The following BZW1 variants were observed in gnomAD, a reference collection of about 807,000 sequenced individuals.
The protein encoded by BZW1 is eIF5-mimic protein 2.
BZW1 carries 3 observed loss-of-function variants against 54.1 expected under a neutral mutation model. That is an observed-to-expected ratio of 0.06 (90% confidence interval 0.03 to 0.14). The LOEUF (loss-of-function observed/expected upper bound fraction) is 0.14. Ranked by LOEUF, BZW1 falls within the 10% of genes least tolerant of loss-of-function variation. The probability of loss-of-function intolerance (pLI) is 1.00; values close to 1 mark genes in which losing one functional copy is unlikely to be tolerated. For synonymous variants in BZW1, 152 were observed against 162.7 expected (o/e 0.93, Z 0.50); for missense variants, 206 against 491.7 (o/e 0.42, Z 5.50).
At chr2:200,818,684 C>A in intron 8 of BZW1, 71 bp from the exon 9 acceptor site, 1 of 1,499,524 alleles carries the variant, frequency 6.7e-7, no homozygotes, top group South Asian at 1.3e-5. Flanking sequence ...TGTTAAAGGT[C>A]TAAACTTGAT....
chr2:200,812,622 C>T (rs952315368), intron 1 of BZW1: 5 of 1,319,184 alleles, frequency 3.8e-6, no homozygotes, highest in Non-Finnish European at 5.1e-6. Context: ...GACACGTTAC[C>T]GGGGAGGAGG....
chr2:200,819,818 G>A (rs1215185151), intron 9 of BZW1, among the ~76,000 whole-genome samples, 164 bp from the exon 10 acceptor site: 1 of 152,170 alleles, frequency 6.6e-6, no homozygotes. Flanking sequence ...TTACAGACGT[G>A]AGCCACTGTG....
In BZW1 at chr2:200,820,047, G is replaced by A; in HGVS notation, c.1032G>A (p.Lys344=). ...QGQSELTLLL[K]IQEYCYDNIH... is the part of the protein sequence containing the mutation. ...AGTCTGAGCTGACTCTGTTACTGAA[G>A]ATTCAGGAGTATTGCTATGACAACA... The change falls in exon 10 of 12, where the codon AAG becomes AAA. Residue 344 remains lysine (K), a synonymous_variant. Coordinates refer to ENST00000409600, the MANE Select transcript of BZW1 (RefSeq NM_001207067.2). 1 of 1,551,434 alleles carries A rather than the reference G, an allele frequency of 6.4e-7. No homozygotes were observed. The highest frequency in any genetic ancestry group is 8.7e-7 in the Non-Finnish European group (1 of 1,146,808).
At position 200,821,320 on chromosome 2, in the gene BZW1, T is replaced by G; in HGVS notation, c.1228+15T>G. 1 of 1,612,538 alleles carries G rather than the reference T, an allele frequency of 6.2e-7. No individual in the cohort carries two copies. Among genetic ancestry groups the G allele is most frequent in the Non-Finnish European group, 8.5e-7 (1 of 1,179,500 alleles). On this transcript the variant is annotated intron_variant, in intron 11 of 11. Coordinates refer to ENST00000409600, the MANE Select transcript of BZW1 (RefSeq NM_001207067.2). ...TGCTGAAGAAGGTAAGGATTTTCCT[T>G]TGTGTGGTTTGTTTGGTAAAGCTAA...
chr2:200,812,263 C>A (rs912125282), intron 1 of BZW1: 42 of 1,232,032 alleles, frequency 3.4e-5, no homozygotes, highest in Admixed American at 4.2e-5. Context: ...CCCTCTGGGC[C>A]GTGCCCGGCC....
At position 200,820,038 on chromosome 2, in the gene BZW1, G is replaced by C. The variant is rs1440133874; in HGVS notation, c.1023G>C (p.Leu341=). Residue 341 remains leucine (L), a synonymous_variant, in exon 10 of 12, where the codon CTG becomes CTC. Transcript: ENST00000409600. ...FTTQGQSELT[L]LLKIQEYCYD... is the part of the protein sequence containing the mutation. ...CTCAAGGTCAGTCTGAGCTGACTCT[G>C]TTACTGAAGATTCAGGAGTATTGCT... The C allele has an allele frequency of 2.6e-6, 4 of 1,550,258 alleles. No homozygotes were observed. The highest frequency in any genetic ancestry group is 3.5e-6 in the Non-Finnish European group (4 of 1,146,364).
rs2038710863 is a variant in BZW1 at position 200,826,628 on chromosome 2, CCTT to C, written c.*4451_*4453del. 4.3e-5 allele frequency: 2 copies of C among 46,944 alleles called. No individual in the cohort carries two copies. The highest frequency in any genetic ancestry group is 1.4e-4 in the Non-Finnish European group (2 of 14,730). The allele number at this position is 46,944 out of a possible 1,614,324, so 2.9% of individuals were successfully genotyped here. ...TACTCAATCACTGTCATTTTAGTAA[CCTT>C]GAATCAGAACCTCAGTTGTTAAAGG... On this transcript the variant is annotated 3_prime_UTR_variant, in exon 12 of 12. Transcript: ENST00000409600.
chr2:200,819,401 A>AT (rs1474921945), intron 9 of BZW1, among the ~76,000 whole-genome samples: 1 of 152,098 alleles, frequency 6.6e-6, no homozygotes, highest in Admixed American at 6.5e-5. Flanking sequence ...AAAAAAGAAC[A>AT]TGATGAAAAG....
intron 6 of BZW1, among the ~76,000 whole-genome samples, chr2:200,817,574 G>A (rs1438212998): frequency 6.6e-6 from 1 of 152,124 alleles, no homozygotes; most frequent in African/African-American, 2.4e-5. Context: ...TGTCAAGCTG[G>A]AAGGGAAAAT....
rs565417904 is a variant in BZW1, at chr2:200,823,248, C to G, written c.*1070C>G. 1 of 165,626 alleles carries G rather than the reference C, an allele frequency of 6.0e-6. No individual in the cohort carries two copies. The highest frequency in any genetic ancestry group is 1.5e-5 in the Non-Finnish European group (1 of 68,116). The allele number at this position is 165,626 out of a possible 1,614,324, so 10.3% of individuals were successfully genotyped here. The stretch of plus-strand genomic sequence containing the variant: ...CTACTCGGTCATACTGGACTGGCTT[C>G]GTTCTCTTAATATACTCAGTAATGA... On this transcript the variant is annotated 3_prime_UTR_variant, in exon 12 of 12. Coordinates refer to ENST00000409600, the MANE Select transcript of BZW1 (RefSeq NM_001207067.2).
rs1268861866 is a variant in BZW1, at chr2:200,824,511, ATTC to A, written c.*2336_*2338del. 6.6e-6 allele frequency: 1 copy of A among 150,864 alleles called. No individual in the cohort carries two copies. Among genetic ancestry groups the A allele is most frequent in the Non-Finnish European group, 1.5e-5 (1 of 67,784 alleles). The allele number at this position is 150,864 out of a possible 1,614,324, so 9.3% of individuals were successfully genotyped here. Reference sequence around the variant, plus strand: ...CATTCTATATATAGATGTTTATTCCATTCTTATTTAAAAAAAAAAACCTCCATA... The same window carrying A: ...CATTCTATATATAGATGTTTATTCCATTATTTAAAAAAAAAAACCTCCATA... On this transcript the variant is annotated 3_prime_UTR_variant, in exon 12 of 12. Transcript: ENST00000409600.
intron 10 of BZW1, among the ~76,000 whole-genome samples, chr2:200,820,912 T>C (rs183657043): frequency 4.3e-4 from 65 of 152,320 alleles, no homozygotes; most frequent in South Asian, 6.2e-4. Context: ...AGAAACCTGG[T>C]CTAAAGTGGC....
Position 200,816,395 on chromosome 2 carries a change from G to T in BZW1, c.402+5G>T. 1 of 1,566,330 alleles carries T rather than the reference G, an allele frequency of 6.4e-7. No homozygotes were observed. Among genetic ancestry groups the T allele is most frequent in the South Asian group, 1.2e-5 (1 of 85,882 alleles). On this transcript the variant is annotated splice_donor_5th_base_variant and intron_variant, in intron 5 of 11. Coordinates refer to ENST00000409600, the MANE Select transcript of BZW1 (RefSeq NM_001207067.2). ...TTTGAAGATGAAGTAAAAAAGGTAT[G>T]AGTAATAATGTACTTTGTGGAAAAG...
chr2:200,819,989 G>A lies in BZW1; in HGVS notation c.974G>A (p.Ser325Asn), dbSNP rs764713691. Residue 325 changes from serine to asparagine, a missense_variant, in exon 10 of 12, where the codon AGC becomes AAC. Physicochemically the swap from Ser to Asn is conservative, Grantham distance 46 (BLOSUM62 1). Around this residue, in one of 5 missense-constraint regions of BZW1, gnomAD observed 60 missense variants for 151.8 expected, o/e 0.40. Transcript: ENST00000409600. ...EQAIKHLKQYSPLLAAFTTQG... is the reference protein window; with the variant it reads ...EQAIKHLKQYNPLLAAFTTQG... ...TCTCTGTTCCTTTAAAAGCAATACAGCCCTCTACTTGCTGCCTTTACTACT... is the reference window on the plus strand; with the variant it reads ...TCTCTGTTCCTTTAAAAGCAATACAACCCTCTACTTGCTGCCTTTACTACT... The A allele has an allele frequency of 2.5e-5, 38 of 1,514,638 alleles. No homozygotes were observed. The highest frequency in any genetic ancestry group is 2.6e-5 in the Non-Finnish European group (29 of 1,131,986). 93.8% of individuals were successfully genotyped at this position (1,514,638 alleles called of 1,614,324 possible).
At chr2:200,819,494 A>G (rs909310633) in intron 9 of BZW1, among the ~76,000 whole-genome samples, 1 of 151,896 alleles carries the variant, frequency 6.6e-6, no homozygotes, top group African/African-American at 2.4e-5. Context: ...AAATACTAAT[A>G]TTGTTTGACA....
intron 6 of BZW1, 92 bp from the exon 7 acceptor site, chr2:200,817,882 T>C (rs2038350502): frequency 1.2e-6 from 1 of 856,396 alleles, no homozygotes; most frequent in Non-Finnish European, 1.8e-6. Context: ...AGTAATCCCA[T>C]GTGATTGAAC....
intron 2 of BZW1, 79 bp from the exon 3 acceptor site, chr2:200,815,262 C>A: frequency 1.5e-6 from 2 of 1,358,414 alleles, no homozygotes; most frequent in South Asian, 2.9e-5. Context: ...TTAACAATTG[C>A]ATCTTCATAA....
At chr2:200,812,401 C>T in intron 1 of BZW1, 11 of 1,280,700 alleles carry the variant, frequency 8.6e-6, no homozygotes, top group Non-Finnish European at 1.1e-5. Context: ...CGCTGGAGGG[C>T]GGGCGGATGT....
chr2:200,823,813 A>G lies in BZW1; in HGVS notation c.*1635A>G, dbSNP rs1202197923. On this transcript the variant is annotated 3_prime_UTR_variant, in exon 12 of 12. Coordinates refer to ENST00000409600, the MANE Select transcript of BZW1 (RefSeq NM_001207067.2). ...AGTTCTCAAAAGACTTTTTTTTAAA[A>G]AAATAAAGTCCATACTTACACTTAG... is the stretch of plus-strand genomic sequence containing the variant. 1 of 152,512 alleles carries G rather than the reference A, an allele frequency of 6.6e-6. No homozygotes were observed. Among genetic ancestry groups the G allele is most frequent in the Admixed American group, 6.6e-5 (1 of 15,262 alleles). 9.4% of individuals were successfully genotyped at this position (152,512 alleles called of 1,614,324 possible).
Sources: gnomAD v4.1 joint callset for allele counts (sites outside exome capture counted in the v4.1 genomes callset) on GRCh38, gnomAD v4.1.1 for gene constraint, gnomAD v4.1.1 regional missense constraint, MANE v1.5 for transcripts, NCBI Gene and HGNC (gene_info 2026-07-23, HGNC 2026-07-21) for gene names.